The following BIRC6 variants were observed in gnomAD, a reference collection of about 807,000 sequenced individuals.
BIRC6 encodes the protein dual E2 ubiquitin-conjugating enzyme/E3 ubiquitin-protein ligase BIRC6.
A neutral mutation model predicts 503.3 loss-of-function variants in BIRC6; 98 were observed. The observed-to-expected ratio is 0.19, with a 90% CI of 0.17 to 0.23. The LOEUF (loss-of-function observed/expected upper bound fraction) is 0.23, where lower values mean the gene tolerates loss of function less well. BIRC6 is among the 10% of genes least tolerant of loss of function. The pLI, the probability that BIRC6 is intolerant of heterozygous loss-of-function variation, is 1.00. For missense variants in BIRC6, 5,360 were observed against 5,806.0 expected, an observed-to-expected ratio of 0.92 and a Z score of 2.50; for synonymous variants, 2,240 against 2,078.7, an observed-to-expected ratio of 1.08 and a Z score of -2.11.
rs71446071 is a variant in BIRC6 at position 32,482,408 on chromosome 2, T to G, written c.7543-21T>G. 50,147 of 1,601,172 alleles carry G rather than the reference T, an allele frequency of 0.031. 963 individuals are homozygous for G. Among genetic ancestry groups the G allele is most frequent in the Non-Finnish European group, 0.038 (44,541 of 1,172,300 alleles). The stretch of plus-strand genomic sequence containing the variant: ...GCCAAGAGGCAAAAATAAACCACAG[T>G]TTTTTTTCCATTCTTTTAAGCCAAT... On this transcript the variant is annotated intron_variant, in intron 38 of 73. Coordinates refer to ENST00000421745, the MANE Select transcript of BIRC6 (RefSeq NM_016252.4).
At chr2:32,546,366 G>A (rs1171269998) in intron 63 of BIRC6, among the ~76,000 whole-genome samples, 1 of 152,102 alleles carries the variant, frequency 6.6e-6, no homozygotes, top group African/African-American at 2.4e-5. Context: ...GATAGCCTGA[G>A]GTCAGGAGTT....
intron 65 of BIRC6, chr2:32,564,392 G>A (rs141892360): frequency 6.6e-6 from 1 of 152,116 alleles, no homozygotes; most frequent in Non-Finnish European, 1.5e-5. Context: ...ATTTGTTTTT[G>A]CATTTTGGCA....
At position 32,468,121 on chromosome 2, in the gene BIRC6, G is replaced by C. The variant is rs757956028; in HGVS notation, c.5780+10G>C. On this transcript the variant is annotated intron_variant, in intron 28 of 73. Coordinates refer to ENST00000421745, the MANE Select transcript of BIRC6 (RefSeq NM_016252.4). ...AGGATATACAGTGCAGGTTAGTACA[G>C]AGTGCAAATTTTAATGTTATTGAAA... 2 of 1,610,816 alleles carry C rather than the reference G, an allele frequency of 1.2e-6. No individual in the cohort carries two copies. Among genetic ancestry groups the C allele is most frequent in the Non-Finnish European group, 1.7e-6 (2 of 1,177,966 alleles).
chr2:32,397,929 C>T (rs2040154231), intron 6 of BIRC6, among the ~76,000 whole-genome samples: 1 of 152,046 alleles, frequency 6.6e-6, no homozygotes, highest in Non-Finnish European at 1.5e-5. Flanking sequence ...CTCTTCTTTG[C>T]ACCAGCATTT....
At chr2:32,496,069 C>T (rs2052429313) in intron 45 of BIRC6, among the ~76,000 whole-genome samples, 1 of 152,112 alleles carries the variant, frequency 6.6e-6, no homozygotes, top group Non-Finnish European at 1.5e-5. Context: ...TCTTGATCTC[C>T]TGACCTCGTG....
Position 32,469,520 on chromosome 2 carries a change from C to T in BIRC6, c.6253C>T (p.Leu2085=). ...RLHTGLLLVQ[L]CGGERWWGQF... ...ACATACTGGTCTTCTTCTTGTTCAACTGTGTGGTGGTGAAAGGTGGTGGGG... is the reference window on the plus strand; with the variant it reads ...ACATACTGGTCTTCTTCTTGTTCAATTGTGTGGTGGTGAAAGGTGGTGGGG... The change falls in exon 30 of 74, where the codon CTG becomes TTG. Residue 2085 remains leucine, a synonymous_variant. Transcript: ENST00000421745. 6.2e-7 allele frequency: 1 copy of T among 1,613,876 alleles called. No individual in the cohort carries two copies. The highest frequency in any genetic ancestry group is 8.5e-7 in the Non-Finnish European group (1 of 1,179,816).
chr2:32,601,754 A>T (rs1041444243), intron 70 of BIRC6, among the ~76,000 whole-genome samples: 3 of 152,216 alleles, frequency 2.0e-5, no homozygotes, highest in African/African-American at 7.2e-5. Flanking sequence ...TTACAGGTGC[A>T]GATTAAGTGT....
rs758551054 is a variant in BIRC6, at chr2:32,380,253, C to A, written c.608C>A (p.Thr203Lys). 2.5e-5 allele frequency: 40 copies of A among 1,609,442 alleles called. 1 individual carries two copies. The South Asian group carries it at 4.4e-4, about 18-fold the overall frequency. Reference protein sequence around the residue: ...ITQLKDGLKNTSHETAANHKV... With the variant: ...ITQLKDGLKNKSHETAANHKV... Reference sequence around the variant, plus strand: ...CAGCTCAAAGATGGTTTAAAAAATACATCTCATGAGACTGCAGCAAACCAC... The same window carrying A: ...CAGCTCAAAGATGGTTTAAAAAATAAATCTCATGAGACTGCAGCAAACCAC... Residue 203 changes from threonine to lysine, a missense_variant, in exon 3 of 74, where the codon ACA (threonine) becomes AAA (lysine). Physicochemically the swap from Thr to Lys is moderately conservative, Grantham distance 78. Transcript: ENST00000421745.
chr2:32,503,096 A>G lies in BIRC6; in HGVS notation c.9359A>G (p.Asn3120Ser). The G allele has an allele frequency of 6.2e-7, 1 of 1,611,000 alleles. No individual in the cohort carries two copies. Among genetic ancestry groups the G allele is most frequent in the Non-Finnish European group, 8.5e-7 (1 of 1,178,382 alleles). The stretch of plus-strand genomic sequence containing the variant: ...GTTACTAGTACAAGGGCTATTGTGA[A>G]CACTGCAAGAAGTATGGTATCAACT... ...NMVTSTRAIVNTARSMVSTIM... is the reference protein window; with the variant it reads ...NMVTSTRAIVSTARSMVSTIM... Residue 3120 changes from asparagine to serine, a missense_variant, in exon 49 of 74, where the codon AAC (asparagine) becomes AGC (serine). Coordinates refer to ENST00000421745, the MANE Select transcript of BIRC6 (RefSeq NM_016252.4).
At chr2:32,528,495 A>G (rs2056468084) in intron 59 of BIRC6, 1 of 152,400 alleles carries the variant, frequency 6.6e-6, no homozygotes, top group South Asian at 2.1e-4. Context: ...AAGTGCTGGG[A>G]TTGCAGGCAT....
chr2:32,392,088 C>T lies in BIRC6; in HGVS notation c.889C>T (p.Pro297Ser). 1 of 1,598,972 alleles carries T rather than the reference C, an allele frequency of 6.3e-7. No homozygotes were observed. The highest frequency in any genetic ancestry group is 1.1e-5 in the South Asian group (1 of 88,154). ...ANRRETFTSW[P>S]HVGYRWAQPD... ...CAGACGGGAGACATTTACCTCATGG[C>T]CTCATGTAGGCTATAGGTGGGCACA... Residue 297 changes from proline to serine, a missense_variant, in exon 5 of 74, where the codon CCT becomes TCT. Transcript: ENST00000421745.
At chr2:32,521,088 T>C (rs992629434) in intron 57 of BIRC6, among the ~76,000 whole-genome samples, 7 of 152,118 alleles carry the variant, frequency 4.6e-5, no homozygotes, top group African/African-American at 1.7e-4. Context: ...TCAAAAGTTA[T>C]ATGTGCTGAA....
At position 32,535,540 on chromosome 2, in the gene BIRC6, T is replaced by G. The variant is rs554010213; in HGVS notation, c.12291+3989T>G. ...TCATTGTTCAATTCCCACCTATGAG[T>G]GAGAACATGCAGTGTTTGGTTTTTT... On this transcript the variant is annotated intron_variant, in intron 61 of 73. Coordinates refer to ENST00000421745, the MANE Select transcript of BIRC6 (RefSeq NM_016252.4). 5.3e-5 allele frequency among the ~76,000 whole-genome samples: 8 copies of G among 152,220 alleles called. No homozygotes were observed. In the East Asian group the frequency reaches 1.4e-3, roughly 26 times the overall value.
rs946733445 is a variant in BIRC6, at chr2:32,393,303, T to C, written c.951+1153T>C. 3.5e-4 allele frequency among the ~76,000 whole-genome samples: 54 copies of C among 152,136 alleles called. 1 individual carries two copies. The highest frequency in any genetic ancestry group is 1.3e-3 in the African/African-American group (52 of 41,420). On this transcript the variant is annotated intron_variant, in intron 5 of 73. Coordinates refer to ENST00000421745, the MANE Select transcript of BIRC6 (RefSeq NM_016252.4). Reference sequence around the variant, plus strand: ...GTATAAAGTGTAAGGATTAACACGATACAGAGGCATAAGAATGGGACATTA... The same window carrying C: ...GTATAAAGTGTAAGGATTAACACGACACAGAGGCATAAGAATGGGACATTA...
chr2:32,529,328 T>G (rs1381904243), intron 59 of BIRC6: 1 of 216,204 alleles, frequency 4.6e-6, no homozygotes, highest in African/African-American at 2.3e-5. Flanking sequence ...AGAGACTATA[T>G]GGCCCCCCCA....
chr2:32,459,107 TCA>T (rs1388890180), intron 23 of BIRC6, among the ~76,000 whole-genome samples: 1 of 152,166 alleles, frequency 6.6e-6, no homozygotes, highest in African/African-American at 2.4e-5. Context: ...AAAATAAAAC[TCA>T]CAGTGTTATG....
rs746060297 is a variant in BIRC6, at chr2:32,430,961, C to T, written c.3119C>T (p.Ala1040Val). The change falls in exon 12 of 74, where the codon GCG (alanine) becomes GTG (valine). Residue 1040 changes from alanine to valine, a missense_variant. Transcript: ENST00000421745. Reference protein sequence around the residue: ...RFETLTPRFSATVPPCWVEVQ... With the variant: ...RFETLTPRFSVTVPPCWVEVQ... ...GAGACTTTGACTCCAAGGTTTTCAGCGACTGTTCCTCCATGCTGGGTAGAA... is the reference window on the plus strand; with the variant it reads ...GAGACTTTGACTCCAAGGTTTTCAGTGACTGTTCCTCCATGCTGGGTAGAA... 16 of 1,613,222 alleles carry T rather than the reference C, an allele frequency of 9.9e-6. No individual in the cohort carries two copies. The highest frequency in any genetic ancestry group is 6.7e-5 in the Admixed American group (4 of 59,944).
chr2:32,560,275 A>G (rs2059079033), intron 65 of BIRC6, among the ~76,000 whole-genome samples: 1 of 152,228 alleles, frequency 6.6e-6, no homozygotes, highest in African/African-American at 2.4e-5. Context: ...AATTTTAAAG[A>G]TTTTTGTAAA....
intron 62 of BIRC6, among the ~76,000 whole-genome samples, chr2:32,543,838 C>T (rs2057854992): frequency 6.6e-6 from 1 of 152,156 alleles, no homozygotes; most frequent in Non-Finnish European, 1.5e-5. Flanking sequence ...CTAATGTTCT[C>T]CAGTAATAGA....
Sources: gnomAD v4.1 joint callset for allele counts (sites outside exome capture counted in the v4.1 genomes callset) on GRCh38, gnomAD v4.1.1 for gene constraint, MANE v1.5 for transcripts, NCBI Gene and HGNC (gene_info 2026-07-23, HGNC 2026-07-21) for gene names.